The following PDE6A variants were observed in gnomAD, a reference collection of about 807,000 sequenced individuals.
PDE6A encodes phosphodiesterase 6A.
In PDE6A, 84 loss-of-function variants were observed where a neutral mutation model predicts 106.3. That is an observed-to-expected ratio of 0.79 (90% CI 0.66 to 0.95). The LOEUF is 0.95. PDE6A is among the 40% of genes least tolerant of loss of function. The pLI is 0.00. For synonymous variants in PDE6A, 394 were observed against 386.6 expected (o/e 1.02, Z -0.23); for missense variants, 1,052 against 1,084.9 (o/e 0.97, Z 0.43).
chr5:149,867,627 T>C, intron 19 of PDE6A, 98 bp downstream of exon 19: 2 of 1,077,178 alleles, frequency 1.9e-6, no homozygotes, highest in East Asian at 2.5e-5. Flanking sequence ...GTCATCTTTA[T>C]GGTAAAGTCA....
chr5:149,870,903 AAAAG>A (rs1220246072), intron 17 of PDE6A, among the ~76,000 whole-genome samples: 7 of 151,636 alleles, frequency 4.6e-5, no homozygotes, highest in African/African-American at 1.7e-4. Context: ...GAAAGAAAGG[AAAAG>A]AAAGAGAAAG....
At chr5:149,920,922 A>AAGAAAGAG (rs1451538275) in intron 5 of PDE6A, among the ~76,000 whole-genome samples, 1 of 136,084 alleles carries the variant, frequency 7.3e-6, no homozygotes, top group Admixed American at 7.7e-5. Context: ...AGAAAGAAAG[A>AAGAAAGAG]AGAAAGAGAG....
At chr5:149,936,788 C>T (rs1483520374) in intron 1 of PDE6A, among the ~76,000 whole-genome samples, 3 of 152,176 alleles carry the variant, frequency 2.0e-5, no homozygotes, top group Admixed American at 1.3e-4. Flanking sequence ...GCAAGAACCA[C>T]GATTACTTTT....
chr5:149,932,611 G>T (rs769616308), intron 3 of PDE6A: 170 of 1,611,066 alleles, frequency 1.1e-4, no homozygotes, highest in Admixed American at 1.7e-4. Context: ...ACCCTCATTC[G>T]CTGACTAATG....
rs1760233872 is a variant in PDE6A at position 149,863,910 on chromosome 5, C to A, written c.2359-644G>T. ...AAGTGCTGGGATTACAGGCATGAGC[C>A]ACCATGCTCAACCCAAGCTGTTCAC... On this transcript the variant is annotated intron_variant, in intron 20 of 21. Transcript: ENST00000255266. The surrounding 1 kb of genome is among the most constrained non-coding windows in gnomAD (Gnocchi z 4.7). 6.6e-6 allele frequency among the ~76,000 whole-genome samples: 1 copy of A among 152,180 alleles called. No individual in the cohort carries two copies. The highest frequency in any genetic ancestry group is 1.5e-5 in the Non-Finnish European group (1 of 68,036).
intron 17 of PDE6A, among the ~76,000 whole-genome samples, chr5:149,880,647 AAGTTGC>A (rs1311568813): frequency 6.6e-6 from 1 of 152,090 alleles, no homozygotes; most frequent in Non-Finnish European, 1.5e-5. Flanking sequence ...CGGGAAGTGG[AAGTTGC>A]AGTGAGCCGA....
chr5:149,943,638 C>T (rs933261898), intron 1 of PDE6A, among the ~76,000 whole-genome samples: 2 of 152,200 alleles, frequency 1.3e-5, no homozygotes, highest in African/African-American at 4.8e-5. Flanking sequence ...GTGTCGTATC[C>T]ACATTACATT....
intron 6 of PDE6A, among the ~76,000 whole-genome samples, chr5:149,913,682 C>G (rs572520812): frequency 3.4e-4 from 52 of 152,166 alleles, no homozygotes; most frequent in African/African-American, 1.2e-3. Flanking sequence ...GGCTCTCCCA[C>G]GAACCGAATT....
At chr5:149,917,317 G>A (rs1046226614) in intron 5 of PDE6A, among the ~76,000 whole-genome samples, 19 of 152,042 alleles carry the variant, frequency 1.2e-4, no homozygotes, top group Non-Finnish European at 1.8e-4. Context: ...AAACCAAACT[G>A]TTCCTTTACT....
intron 4 of PDE6A, among the ~76,000 whole-genome samples, chr5:149,925,814 G>C (rs1753850838): frequency 6.6e-6 from 1 of 151,108 alleles, no homozygotes; most frequent in Admixed American, 6.6e-5. Flanking sequence ...AGAAGTATAA[G>C]AGACACAAAC....
At chr5:149,922,951 A>T (rs1753763242) in intron 4 of PDE6A, among the ~76,000 whole-genome samples, 1 of 152,372 alleles carries the variant, frequency 6.6e-6, no homozygotes, top group African/African-American at 2.4e-5. Flanking sequence ...CCAATTTAGG[A>T]GTATATTACT....
chr5:149,932,340 G>A (rs1754059114), intron 3 of PDE6A: 3 of 1,427,138 alleles, frequency 2.1e-6, no homozygotes, highest in Admixed American at 1.7e-5. Flanking sequence ...GGTTGTAGGA[G>A]GTCTTTCTAA....
chr5:149,864,996 T>C (rs1760273570), intron 20 of PDE6A, among the ~76,000 whole-genome samples: 1 of 152,160 alleles, frequency 6.6e-6, no homozygotes, highest in Admixed American at 6.5e-5. Flanking sequence ...TCCCAGCACT[T>C]TGGGAGGCCG....
intron 1 of PDE6A, among the ~76,000 whole-genome samples, chr5:149,940,850 C>T (rs1054402843): frequency 3.5e-4 from 53 of 152,282 alleles, no homozygotes; most frequent in African/African-American, 1.3e-3. Context: ...AAGCCTCTGC[C>T]CACACTCTCC....
At chr5:149,891,017 C>T (rs1752525271) in intron 13 of PDE6A, among the ~76,000 whole-genome samples, 1 of 152,146 alleles carries the variant, frequency 6.6e-6, no homozygotes, top group Non-Finnish European at 1.5e-5. Context: ...GATGTAAATC[C>T]AATGTTAAGT....
intron 4 of PDE6A, among the ~76,000 whole-genome samples, chr5:149,927,837 C>CT (rs1386841970): frequency 1.3e-5 from 2 of 148,470 alleles, no homozygotes; most frequent in African/African-American, 5.0e-5. Context: ...ATTTTTTTTT[C>CT]TTTTACTTTC....
At chr5:149,906,519 C>CAAAAAAAAAAAAGAAAAAA (rs1753189605) in intron 7 of PDE6A, among the ~76,000 whole-genome samples, 1 of 54,204 alleles carries the variant, frequency 1.8e-5, no homozygotes, top group Non-Finnish European at 4.0e-5. Flanking sequence ...GAGACACTGT[C>CAAAAAAAAAAAAGAAAAAA]AAAAAAAAAA....
chr5:149,932,281 A>G, intron 3 of PDE6A: 1 of 1,441,202 alleles, frequency 6.9e-7, no homozygotes, highest in East Asian at 2.3e-5. Context: ...TCACTCGTAG[A>G]CCGCTCTCTT....
intron 17 of PDE6A, among the ~76,000 whole-genome samples, chr5:149,877,667 C>T (rs1464999691): frequency 6.6e-6 from 1 of 152,190 alleles, no homozygotes; most frequent in Non-Finnish European, 1.5e-5. Context: ...GCCTTGGCCT[C>T]CCAAAGGGCT....
Sources: allele counts gnomAD v4.1 joint callset (sites outside exome capture counted in the v4.1 genomes callset), GRCh38; gene constraint gnomAD v4.1.1; non-coding constraint Gnocchi (gnomAD v3.1); transcripts MANE v1.5; gene names NCBI Gene and HGNC (gene_info 2026-07-23, HGNC 2026-07-21).